MYO16: variants seen among roughly 807,000 people sequenced by gnomAD.
MYO16 encodes the protein unconventional myosin-XVI.
MYO16 carries 94 observed loss-of-function variants against 205.3 expected under a neutral mutation model. That is an observed-to-expected ratio of 0.46 (90% CI 0.39 to 0.54). The LOEUF (loss-of-function observed/expected upper bound fraction) is 0.54. Ranked by LOEUF, MYO16 falls within the 20% of genes least tolerant of loss-of-function variation. MYO16 has a pLI of 0.00. For missense variants in MYO16, 2,315 were observed against 2,387.5 expected (o/e 0.97, Z 0.63); for synonymous variants, 988 against 954.0 (o/e 1.04, Z -0.66).
intron 4 of MYO16, among the ~76,000 whole-genome samples, chr13:108,752,627 TTTA>T (rs1287038299): frequency 6.6e-6 from 1 of 151,386 alleles, no homozygotes; most frequent in East Asian, 1.9e-4. Context: ...TTATATGGCC[TTTA>T]CTTTTTTTTT....
chr13:108,610,277 G>A (rs1879123516), intron 1 of MYO16, among the ~76,000 whole-genome samples: 1 of 152,156 alleles, frequency 6.6e-6, no homozygotes, highest in South Asian at 2.1e-4. Flanking sequence ...AATGTACTGT[G>A]TGTGCTCCGT....
Position 109,055,305 on chromosome 13 carries a change from TA to T in MYO16, c.3130-82del. 8.5e-7 allele frequency: 1 copy of T among 1,183,046 alleles called. No individual in the cohort carries two copies. The highest frequency in any genetic ancestry group is 1.2e-6 in the Non-Finnish European group (1 of 834,170). 73.3% of individuals were successfully genotyped at this position (1,183,046 alleles called of 1,614,324 possible). A position where few individuals can be genotyped will look rare whatever the true frequency, so the allele number is the denominator to read the frequency against. ...AAATGCATAATGAGATTTAAAGACG[TA>T]AAGACTTTTTATTTAAAAACTGCTT... On this transcript the variant is annotated intron_variant, in intron 26 of 34. Transcript: ENST00000457511. The surrounding 1 kb of genome is among the most constrained non-coding windows in gnomAD (Gnocchi z 5.0).
chr13:109,147,074 CA>C (rs1415932462), intron 32 of MYO16, among the ~76,000 whole-genome samples: 2 of 151,884 alleles, frequency 1.3e-5, no homozygotes, highest in Non-Finnish European at 2.9e-5. Flanking sequence ...CGTCATTTTT[CA>C]CGACACAAAC....
chr13:109,092,886 C>G (rs1888664985), intron 27 of MYO16, among the ~76,000 whole-genome samples: 2 of 152,232 alleles, frequency 1.3e-5, no homozygotes, highest in South Asian at 4.1e-4. Context: ...TCCTTGGGTT[C>G]TTTACACCTT....
At chr13:108,900,190 T>C (rs1880641363) in intron 15 of MYO16, among the ~76,000 whole-genome samples, 1 of 152,230 alleles carries the variant, frequency 6.6e-6, no homozygotes, top group Non-Finnish European at 1.5e-5. Flanking sequence ...TTTAGGAATG[T>C]TGATTTAGAA....
the MYO16 span, among the ~76,000 whole-genome samples, chr13:108,560,117 T>G: frequency 6.6e-6 from 1 of 152,188 alleles, no homozygotes; most frequent in Non-Finnish European, 1.5e-5. Flanking sequence ...AACCAGAGAT[T>G]TTCTTTTCTA....
intron 15 of MYO16, among the ~76,000 whole-genome samples, chr13:108,905,863 C>T (rs1394324449): frequency 6.6e-6 from 1 of 152,186 alleles, no homozygotes; most frequent in Non-Finnish European, 1.5e-5. Context: ...CCAGAATGTG[C>T]AGAGGGCCAA....
At chr13:108,533,996 GC>G in the MYO16 span, among the ~76,000 whole-genome samples, 10 of 152,064 alleles carry the variant, frequency 6.6e-5, no homozygotes, top group African/African-American at 2.4e-4. Flanking sequence ...TTTTATGTTT[GC>G]TCAGATAGGC....
chr13:108,988,763 C>T (rs937626930), intron 20 of MYO16, among the ~76,000 whole-genome samples: 9 of 152,256 alleles, frequency 5.9e-5, no homozygotes, highest in African/African-American at 2.2e-4. Context: ...TATAGGGTCT[C>T]TTCTGCCAAG....
intron 2 of MYO16, among the ~76,000 whole-genome samples, chr13:108,696,624 A>T (rs1021097363): frequency 2.6e-5 from 4 of 152,176 alleles, no homozygotes; most frequent in African/African-American, 4.8e-5. Flanking sequence ...ACTTCCTGGG[A>T]TGATGGAGAT....
intron 10 of MYO16, among the ~76,000 whole-genome samples, chr13:108,845,568 A>G (rs910218556): frequency 1.3e-5 from 2 of 152,124 alleles, no homozygotes; most frequent in African/African-American, 4.8e-5. Context: ...TCCCACCCTT[A>G]TGATTTCATT....
At chr13:109,034,834 A>G (rs1343772006) in intron 23 of MYO16, among the ~76,000 whole-genome samples, 1 of 152,152 alleles carries the variant, frequency 6.6e-6, no homozygotes, top group African/African-American at 2.4e-5. Context: ...TAGCCCCCTA[A>G]AATAATAGTT....
upstream of MYO16, among the ~76,000 whole-genome samples, chr13:108,593,767 C>T (rs1163456114): frequency 1.3e-5 from 2 of 152,096 alleles, no homozygotes; most frequent in South Asian, 2.1e-4. Flanking sequence ...CTCAGATACC[C>T]GTGATGAAGT....
At chr13:109,040,385 C>CACACACAGAGAGAGAGAGAG (rs1394314811) in intron 23 of MYO16, among the ~76,000 whole-genome samples, 19 of 113,282 alleles carry the variant, frequency 1.7e-4, no homozygotes, top group African/African-American at 5.8e-4. Context: ...CACACACACA[C>CACACACAGAGAGAGAGAGAG]AGAGAGAGAG....
intron 19 of MYO16, among the ~76,000 whole-genome samples, chr13:108,963,767 A>C (rs547567211): frequency 4.6e-5 from 7 of 152,222 alleles, no homozygotes; most frequent in African/African-American, 1.7e-4. Context: ...TGAGCTCACT[A>C]TTAGTATCTA....
Position 108,747,419 on chromosome 13 carries a change from A to G in MYO16, c.507+19836A>G, listed in dbSNP as rs549082422. Among the ~76,000 whole-genome samples the G allele has an allele frequency of 7.2e-5, 11 of 152,298 alleles. No homozygotes were observed. In the South Asian group the frequency reaches 1.0e-3, roughly 14 times the overall value. On this transcript the variant is annotated intron_variant, in intron 4 of 34. Coordinates refer to ENST00000457511, the MANE Select transcript of MYO16 (RefSeq NM_001198950.3). Reference sequence around the variant, plus strand: ...GAGAAGGGTGTGGGAATGCTGTCTTATAAGATACCTGTACTACATGTGAAT... The same window carrying G: ...GAGAAGGGTGTGGGAATGCTGTCTTGTAAGATACCTGTACTACATGTGAAT...
chr13:109,079,107 C>T (rs1774683453), intron 27 of MYO16, among the ~76,000 whole-genome samples: 1 of 152,164 alleles, frequency 6.6e-6, no homozygotes, highest in Non-Finnish European at 1.5e-5. Flanking sequence ...TCAGAGAGAT[C>T]TCCAGATTTC....
intron 10 of MYO16, among the ~76,000 whole-genome samples, chr13:108,847,022 G>A (rs1202198846): frequency 6.6e-6 from 1 of 152,136 alleles, no homozygotes; most frequent in East Asian, 1.9e-4. Flanking sequence ...TTTAATTAAA[G>A]AAGAGCAAAC....
chr13:108,871,350 G>GTGTA (rs1555307577), intron 12 of MYO16, among the ~76,000 whole-genome samples: 8,251 of 147,204 alleles, frequency 0.056, 289 homozygotes, highest in East Asian at 0.14. Context: ...GTGTGTGTGT[G>GTGTA]TGTGTGTGTG....
Sources: gnomAD v4.1 joint callset for allele counts (sites outside exome capture counted in the v4.1 genomes callset) on GRCh38, gnomAD v4.1.1 for gene constraint, Gnocchi (gnomAD v3.1) non-coding constraint, MANE v1.5 for transcripts, NCBI Gene and HGNC (gene_info 2026-07-23, HGNC 2026-07-21) for gene names.